The following PBX1 variants were observed in gnomAD, a reference collection of about 807,000 sequenced individuals.
The protein encoded by PBX1 is pre-B-cell leukemia transcription factor 1.
PBX1 carries 6 observed loss-of-function variants against 53.4 expected under a neutral mutation model. The observed-to-expected ratio is 0.11, with a 90% CI of 0.06 to 0.22. The LOEUF is 0.22. Among genes scored for constraint, PBX1 ranks in the 10% least tolerant of loss-of-function variants. The pLI, the probability that PBX1 is intolerant of heterozygous loss-of-function variation, is 1.00. For synonymous variants in PBX1, 204 were observed against 212.3 expected (o/e 0.96, Z 0.34); for missense variants, 251 against 551.4 (o/e 0.46, Z 5.46).
chr1:164,761,499 C>A (rs1018090726), intron 2 of PBX1, among the ~76,000 whole-genome samples: 8 of 151,724 alleles, frequency 5.3e-5, no homozygotes, highest in Non-Finnish European at 8.8e-5. Context: ...GGCTGGAGTG[C>A]AGTGGCGCGA....
chr1:164,825,977 C>T (rs1036996604), intron 8 of PBX1, among the ~76,000 whole-genome samples: 1 of 152,108 alleles, frequency 6.6e-6, no homozygotes, highest in African/African-American at 2.4e-5. Flanking sequence ...GTATTGGAAC[C>T]TCCAAGGACA....
rs1671293393 is a variant in PBX1 at position 164,841,562 on chromosome 1, TC to T, written c.1201-5018del. On this transcript the variant is annotated intron_variant, in intron 8 of 8. Coordinates refer to ENST00000420696, the MANE Select transcript of PBX1 (RefSeq NM_002585.4). ...CTGGATCTCTTTTCCACTGTAAAATTCCCCAGGAAATTTTGAATCTTTTGAC... is the reference window on the plus strand; with the variant it reads ...CTGGATCTCTTTTCCACTGTAAAATTCCCAGGAAATTTTGAATCTTTTGAC... Among the ~76,000 whole-genome samples the T allele has an allele frequency of 9.2e-5, 14 of 152,266 alleles. No individual in the cohort carries two copies. The South Asian group carries it at 2.9e-3, about 32-fold the overall frequency.
chr1:164,655,482 G>A (rs1476693490), intron 2 of PBX1, among the ~76,000 whole-genome samples: 1 of 152,122 alleles, frequency 6.6e-6, no homozygotes, highest in East Asian at 1.9e-4. Context: ...CTGGCTTTGG[G>A]AGTAGAAAAG....
intron 2 of PBX1, among the ~76,000 whole-genome samples, chr1:164,622,559 G>A (rs1202179349): frequency 6.6e-6 from 1 of 152,164 alleles, no homozygotes; most frequent in Non-Finnish European, 1.5e-5. Flanking sequence ...CACTTGATGT[G>A]CACATGCTGT....
At chr1:164,590,838 T>C (rs960366847) in intron 2 of PBX1, among the ~76,000 whole-genome samples, 5 of 152,022 alleles carry the variant, frequency 3.3e-5, no homozygotes, top group Admixed American at 1.3e-4. Flanking sequence ...TCCAGACATT[T>C]ATTGAGGTTT....
chr1:164,567,582 T>C (rs1175296696), intron 2 of PBX1, among the ~76,000 whole-genome samples: 1 of 152,198 alleles, frequency 6.6e-6, no homozygotes, highest in East Asian at 1.9e-4. Flanking sequence ...CCCTATATTA[T>C]TTATTTATTA....
At chr1:164,566,899 G>A (rs996025907) in intron 2 of PBX1, among the ~76,000 whole-genome samples, 4 of 152,036 alleles carry the variant, frequency 2.6e-5, no homozygotes, top group East Asian at 1.9e-4. Flanking sequence ...CAAAGTTAAC[G>A]CAAATCAAAT....
chr1:164,749,648 G>T (rs1445449292), intron 2 of PBX1, among the ~76,000 whole-genome samples: 1 of 152,148 alleles, frequency 6.6e-6, no homozygotes, highest in African/African-American at 2.4e-5. Flanking sequence ...AAACTTTTTA[G>T]AAGTACAGTA....
At chr1:164,620,811 TAG>T (rs1335836268) in intron 2 of PBX1, among the ~76,000 whole-genome samples, 1 of 151,556 alleles carries the variant, frequency 6.6e-6, no homozygotes, top group East Asian at 1.9e-4. Flanking sequence ...GCCTCCCGAG[TAG>T]CTGGGATTAC....
chr1:164,743,048 G>C (rs1571322750), intron 2 of PBX1, among the ~76,000 whole-genome samples: 1 of 152,236 alleles, frequency 6.6e-6, no homozygotes, highest in African/African-American at 2.4e-5. Context: ...AGCCAGTGAA[G>C]AAGATTCCTA....
chr1:164,791,316 T>C (rs1668494255), intron 2 of PBX1, among the ~76,000 whole-genome samples: 1 of 151,828 alleles, frequency 6.6e-6, no homozygotes, highest in Non-Finnish European at 1.5e-5. Context: ...TCCTGGTGTT[T>C]TCATAAAGAT....
chr1:164,769,916 C>T (rs1024573307), intron 2 of PBX1: 4 of 152,176 alleles, frequency 2.6e-5, no homozygotes, highest in African/African-American at 7.2e-5. Context: ...CAGTACATCC[C>T]TGCACATAAG....
intron 2 of PBX1, among the ~76,000 whole-genome samples, chr1:164,651,190 C>T (rs934791209): frequency 6.6e-6 from 1 of 152,088 alleles, no homozygotes; most frequent in African/African-American, 2.4e-5. Context: ...CCCATCCACA[C>T]TTGGATCTCA....
chr1:164,848,234 T>A lies in PBX1; in HGVS notation c.*1558T>A. 1.9e-6 allele frequency: 2 copies of A among 1,053,240 alleles called. No homozygotes were observed. Among genetic ancestry groups the A allele is most frequent in the Non-Finnish European group, 2.3e-6 (2 of 871,778 alleles). The allele number at this position is 1,053,240 out of a possible 1,614,324, so 65.2% of individuals were successfully genotyped here. ...GAGAAAATAGCATGTATATGAAAGC[T>A]ATTCTCAAAAGTCACCTGAGCTCAC... On this transcript the variant is annotated 3_prime_UTR_variant, in exon 9 of 9. Coordinates refer to ENST00000420696, the MANE Select transcript of PBX1 (RefSeq NM_002585.4).
chr1:164,567,816 TAAC>T (rs1653543022), intron 2 of PBX1, among the ~76,000 whole-genome samples: 1 of 152,168 alleles, frequency 6.6e-6, no homozygotes, highest in South Asian at 2.1e-4. Context: ...CATTTTTTTC[TAAC>T]AATAGGAGTG....
downstream of PBX1, among the ~76,000 whole-genome samples, chr1:164,852,834 G>A (rs1671889021): frequency 1.3e-5 from 2 of 152,192 alleles, no homozygotes; most frequent in Admixed American, 1.3e-4. Context: ...AGTGTCACCA[G>A]AAGCCAAAAT....
intron 2 of PBX1, among the ~76,000 whole-genome samples, chr1:164,750,538 C>T (rs1441641795): frequency 6.6e-6 from 1 of 152,010 alleles, no homozygotes; most frequent in African/African-American, 2.4e-5. Flanking sequence ...CAAGCTATTC[C>T]TATTGAGTGG....
At chr1:164,765,515 T>C (rs929167508) in intron 2 of PBX1, among the ~76,000 whole-genome samples, 7 of 152,176 alleles carry the variant, frequency 4.6e-5, no homozygotes, top group Non-Finnish European at 8.8e-5. Flanking sequence ...TCAAAATGAC[T>C]TTCACCTAGT....
At chr1:164,745,706 C>T (rs1281522741) in intron 2 of PBX1, among the ~76,000 whole-genome samples, 1 of 152,246 alleles carries the variant, frequency 6.6e-6, no homozygotes, top group African/African-American at 2.4e-5. Context: ...AGAGAATTTA[C>T]TCCTGCTCTG....
Sources: gnomAD v4.1 joint callset for allele counts (sites outside exome capture counted in the v4.1 genomes callset) on GRCh38, gnomAD v4.1.1 for gene constraint, MANE v1.5 for transcripts, NCBI Gene and HGNC (gene_info 2026-07-23, HGNC 2026-07-21) for gene names.